SCAP: variants seen among roughly 807,000 people sequenced by gnomAD.
The protein encoded by SCAP is SREBF chaperone.
A neutral mutation model predicts 123.6 loss-of-function variants in SCAP; 65 were observed. The ratio of observed to expected loss-of-function variants is 0.53; its 90% CI spans 0.43 to 0.65. The LOEUF (loss-of-function observed/expected upper bound fraction) is 0.65. SCAP is among the 30% of genes least tolerant of loss of function. SCAP has a pLI of 0.00. For missense variants in SCAP, 1,398 were observed against 1,712.5 expected, an observed-to-expected ratio of 0.82 and a Z score of 3.24; for synonymous variants, 740 against 726.3, an observed-to-expected ratio of 1.02 and a Z score of -0.30.
Position 47,413,742 on chromosome 3 carries a change from A to G in SCAP, c.*112T>C. The G allele has an allele frequency of 6.5e-6, 9 of 1,380,166 alleles. No individual in the cohort carries two copies. The highest frequency in any genetic ancestry group is 8.9e-6 in the Non-Finnish European group (9 of 1,013,456). The allele number at this position is 1,380,166 out of a possible 1,614,324, so 85.5% of individuals were successfully genotyped here. A position where few individuals can be genotyped will look rare whatever the true frequency, so the allele number is the denominator to read the frequency against. On this transcript the variant is annotated 3_prime_UTR_variant, in exon 23 of 23. Transcript: ENST00000265565. ...TTTTAAAAAAGTTTAATATTATTACAGTCAGGAGGCAGCGGCTGGAAGATA... is the reference window on the plus strand; with the variant it reads ...TTTTAAAAAAGTTTAATATTATTACGGTCAGGAGGCAGCGGCTGGAAGATA...
chr3:47,414,776 C>T (rs983165579), intron 20 of SCAP, 51 bp downstream of exon 20: 1 of 1,599,912 alleles, frequency 6.3e-7, no homozygotes, highest in East Asian at 2.2e-5. Context: ...GCATCAGGCT[C>T]CCACCCCGTG....
At chr3:47,474,283 A>G (rs898794029) in intron 1 of SCAP, among the ~76,000 whole-genome samples, 2 of 152,114 alleles carry the variant, frequency 1.3e-5, no homozygotes, top group East Asian at 1.9e-4. Flanking sequence ...AAAGAAAGAA[A>G]GAAAAGAGAG....
At chr3:47,414,686 T>C (rs1705484517) in intron 20 of SCAP, 34 bp from the exon 21 acceptor site, 2 of 1,612,600 alleles carry the variant, frequency 1.2e-6, no homozygotes, top group Admixed American at 1.7e-5. Flanking sequence ...TTCTGGTCTC[T>C]GGGATTTTCC....
At chr3:47,443,233 TACACACACACACACACACAC>T (rs60723433) in intron 1 of SCAP, 142 bp from the exon 2 acceptor site, 12 of 104,750 alleles carry the variant, frequency 1.1e-4, no homozygotes, top group Non-Finnish European at 2.0e-4. Flanking sequence ...AATCCCAAAA[TACACACACACACACACACAC>T]ACACACACAC....
At chr3:47,427,071 A>T in intron 6 of SCAP, 86 bp downstream of exon 6, 1 of 936,052 alleles carries the variant, frequency 1.1e-6, no homozygotes, top group South Asian at 1.4e-5. Flanking sequence ...GGGGGCATTC[A>T]GAACACTCTA....
intron 1 of SCAP, among the ~76,000 whole-genome samples, chr3:47,454,139 G>A (rs927665701): frequency 1.3e-5 from 2 of 151,508 alleles, no homozygotes; most frequent in Non-Finnish European, 2.9e-5. Context: ...TGGCCGAGGC[G>A]GGCGGATCAC....
At chr3:47,445,723 C>T (rs1289437256) in intron 1 of SCAP, among the ~76,000 whole-genome samples, 2 of 151,730 alleles carry the variant, frequency 1.3e-5, no homozygotes, top group African/African-American at 2.4e-5. Context: ...AGGTGCACAC[C>T]ACCACACTTG....
intron 10 of SCAP, among the ~76,000 whole-genome samples, chr3:47,421,853 C>T (rs1170298659): frequency 6.6e-6 from 1 of 152,282 alleles, no homozygotes; most frequent in Non-Finnish European, 1.5e-5. Context: ...TGGCATCAGT[C>T]TGGGGTTCCA....
intron 3 of SCAP, among the ~76,000 whole-genome samples, chr3:47,431,043 T>C (rs1011532349): frequency 6.6e-6 from 1 of 151,990 alleles, no homozygotes; most frequent in Admixed American, 6.5e-5. Flanking sequence ...TGTGCCTTAG[T>C]GAGGGCTCTG....
In SCAP at chr3:47,461,917, C is replaced by T. The variant is rs529920588; in HGVS notation, c.-99+13882G>A. Among the ~76,000 whole-genome samples, 5 of 152,160 alleles carry T rather than the reference C, an allele frequency of 3.3e-5. No homozygotes were observed. The East Asian group carries it at 9.7e-4, about 29-fold the overall frequency. On this transcript the variant is annotated intron_variant, in intron 1 of 22. Transcript: ENST00000265565. ...AGCATGGTGACAGGCACCTATAATC[C>T]CAGCTACTTGGGAGGCTGAGACAGG...
At chr3:47,454,924 C>G (rs1707359881) in intron 1 of SCAP, among the ~76,000 whole-genome samples, 1 of 151,300 alleles carries the variant, frequency 6.6e-6, no homozygotes, top group Non-Finnish European at 1.5e-5. Context: ...TTATTTATTA[C>G]TATTGTGGAA....
chr3:47,461,711 C>T (rs1707646096), intron 1 of SCAP, among the ~76,000 whole-genome samples: 2 of 152,130 alleles, frequency 1.3e-5, no homozygotes, highest in African/African-American at 4.8e-5. Flanking sequence ...CCAGCACCTC[C>T]CAACAAAATA....
Position 47,415,068 on chromosome 3 carries a change from T to C in SCAP, c.3139+30A>G, listed in dbSNP as rs6788191. The C allele has an allele frequency of 1.6e-3, 2,481 of 1,586,362 alleles. 36 individuals are homozygous for C. In the African/African-American group the frequency reaches 0.03, roughly 19 times the overall value. On this transcript the variant is annotated intron_variant, in intron 19 of 22. Coordinates refer to ENST00000265565, the MANE Select transcript of SCAP (RefSeq NM_012235.4). The stretch of plus-strand genomic sequence containing the variant: ...CGGCCCCTGCCCGTCCCACCAAGTG[T>C]GAACACCTGCCCACCCCAGGCCCTC...
rs537308511 is a variant in SCAP, at chr3:47,414,633, G to A, written c.3326C>T (p.Ser1109Leu). ...GCCCTGAAGGGTGAAGAGGCAGCAC[G>A]AGTCCTCCAGACGGAACACCTGGGA... ...HTLRVFRLEDSCCLFTLQGHS... is the reference protein window; with the variant it reads ...HTLRVFRLEDLCCLFTLQGHS... The change falls in exon 21 of 23, where the codon TCG becomes TTG. Residue 1109 changes from serine (S) to leucine (L), a missense_variant. By Grantham distance (145) the Ser-to-Leu change is moderately radical. Transcript: ENST00000265565. 2.5e-5 allele frequency: 40 copies of A among 1,613,334 alleles called. No individual in the cohort carries two copies. The highest frequency in any genetic ancestry group is 4.5e-5 in the East Asian group (2 of 44,884).
Position 47,427,257 on chromosome 3 carries a change from A to G in SCAP, c.637T>C (p.Leu213=). Residue 213 remains leucine, a synonymous_variant, in exon 6 of 23, where the codon TTA becomes CTA. Coordinates refer to ENST00000265565, the MANE Select transcript of SCAP (RefSeq NM_012235.4). Reference sequence around the variant, plus strand: ...CTGTACTTCCCAGGAACACCAAATAACAAGTCTGCAAGCAGAAACCAGCAG... The same window carrying G: ...CTGTACTTCCCAGGAACACCAAATAGCAAGTCTGCAAGCAGAAACCAGCAG... ...LQTSATLKDL[L]FGVPGKYSGV... 6.2e-7 allele frequency: 1 copy of G among 1,613,090 alleles called. No individual in the cohort carries two copies. Among genetic ancestry groups the G allele is most frequent in the Non-Finnish European group, 8.5e-7 (1 of 1,179,234 alleles).
At position 47,414,087 on chromosome 3, in the gene SCAP, C is replaced by A. The variant is rs1239501379; in HGVS notation, c.3607G>T (p.Gly1203Cys). ...TCTGAGATGACACCCAAGCTTGCAC[C>A]ACAGCCCAGGTCCTGGAGGCAAGGA... The part of the protein sequence containing the change: ...FYSIQQDLGC[G>C]ASLGVISDNL... The change falls in exon 23 of 23, where the codon GGT (glycine) becomes TGT (cysteine). Residue 1203 changes from glycine to cysteine, a missense_variant. Transcript: ENST00000265565. 6.2e-7 allele frequency: 1 copy of A among 1,613,430 alleles called. No individual in the cohort carries two copies. The highest frequency in any genetic ancestry group is 1.7e-5 in the Admixed American group (1 of 60,024).
At chr3:47,437,471 T>C (rs1485387391) in intron 2 of SCAP, among the ~76,000 whole-genome samples, 2 of 137,030 alleles carry the variant, frequency 1.5e-5, no homozygotes, top group East Asian at 4.2e-4. Flanking sequence ...CCAGGTGAGG[T>C]GGCTCATGCC....
At chr3:47,476,980 C>G (rs1489318481), upstream of SCAP, 1 of 153,232 alleles carries the variant, frequency 6.5e-6, no homozygotes, top group Non-Finnish European at 1.5e-5. Context: ...AAGGCACCAG[C>G]AAACTTCTCT....
intron 6 of SCAP, among the ~76,000 whole-genome samples, chr3:47,426,658 C>T (rs1484011749): frequency 1.3e-5 from 2 of 152,160 alleles, no homozygotes; most frequent in South Asian, 2.1e-4. Context: ...AGGATGGTCT[C>T]GATCTCCTGA....
Sources: allele counts gnomAD v4.1 joint callset (sites outside exome capture counted in the v4.1 genomes callset), GRCh38; gene constraint gnomAD v4.1.1; transcripts MANE v1.5; gene names NCBI Gene and HGNC (gene_info 2026-07-23, HGNC 2026-07-21).